Variants in SVIL observed in about 807,000 individuals in gnomAD.
SVIL encodes archvillin.
SVIL carries 101 observed loss-of-function variants against 240.4 expected under a neutral mutation model. The ratio of observed to expected loss-of-function variants is 0.42; its 90% CI spans 0.36 to 0.50. The LOEUF (loss-of-function observed/expected upper bound fraction) is 0.50. Among genes scored for constraint, SVIL ranks in the 20% least tolerant of loss-of-function variants. The pLI is 0.01. For synonymous variants in SVIL, 999 were observed against 1,100.0 expected (o/e 0.91, Z 1.82); for missense variants, 2,512 against 2,818.7 (o/e 0.89, Z 2.46).
At chr10:29,726,191 G>T (rs1589586544) in intron 1 of SVIL, among the ~76,000 whole-genome samples, 1 of 152,116 alleles carries the variant, frequency 6.6e-6, no homozygotes, top group Admixed American at 6.5e-5. Context: ...CAACATGCTG[G>T]GATTACAGGC....
chr10:29,689,252 C>T (rs1961312870), intron 1 of SVIL, among the ~76,000 whole-genome samples: 1 of 152,040 alleles, frequency 6.6e-6, no homozygotes, highest in Non-Finnish European at 1.5e-5. Flanking sequence ...GAGGCTAGAA[C>T]TGGTATCTCC....
intron 30 of SVIL, chr10:29,473,633 G>A: frequency 1.6e-6 from 1 of 629,474 alleles, no homozygotes; most frequent in Admixed American, 3.0e-5. Flanking sequence ...ATTTTCTCCA[G>A]GATCATCTTA....
In SVIL at chr10:29,487,237, A is replaced by G; in HGVS notation, c.4411T>C (p.Cys1471Arg). 1 of 1,614,150 alleles carries G rather than the reference A, an allele frequency of 6.2e-7. No individual in the cohort carries two copies. The highest frequency in any genetic ancestry group is 8.5e-7 in the Non-Finnish European group (1 of 1,180,016). The change falls in exon 24 of 38, where the codon TGC becomes CGC. Residue 1471 changes from cysteine (C) to arginine (R), a missense_variant. Cys to Arg is a radical substitution (Grantham distance 180). Around this residue, in one of 3 missense-constraint regions of SVIL, gnomAD observed 272 missense variants for 406.8 expected, o/e 0.67. Transcript: ENST00000355867. ...CAGTGGGGAGAGAGCAGGAGGAAGC[A>G]GTCCCCACTGTTGAGCGCCGAAGCT... ...PRASALNSGD[C>R]FLLLSPHCCF...
At chr10:29,503,693 T>C (rs1465438606) in intron 17 of SVIL, among the ~76,000 whole-genome samples, 1 of 152,264 alleles carries the variant, frequency 6.6e-6, no homozygotes, top group African/African-American at 2.4e-5. Context: ...CAAATGTTAA[T>C]TTCCTTTAAA....
chr10:29,680,394 G>C (rs185840044), intron 2 of SVIL, among the ~76,000 whole-genome samples: 5 of 152,256 alleles, frequency 3.3e-5, no homozygotes, highest in Admixed American at 3.3e-4. Flanking sequence ...GGTGTTCCAG[G>C]TAGTATGCAA....
chr10:29,605,974 C>A (rs563298778), intron 1 of SVIL, among the ~76,000 whole-genome samples: 44 of 151,892 alleles, frequency 2.9e-4, no homozygotes, highest in South Asian at 1.7e-3. Flanking sequence ...GCAGTAGTGC[C>A]ATCTCAGCTC....
intron 17 of SVIL, among the ~76,000 whole-genome samples, chr10:29,509,289 A>G (rs1408122307): frequency 7.1e-6 from 1 of 141,474 alleles, no homozygotes; most frequent in East Asian, 2.4e-4. Flanking sequence ...AAGAGAAAGA[A>G]AGAGAAAGAG....
chr10:29,550,464 A>T (rs1953200358), intron 6 of SVIL, 133 bp downstream of exon 6: 2 of 1,101,240 alleles, frequency 1.8e-6, no homozygotes, highest in Non-Finnish European at 2.5e-6. Context: ...AAAAAGAATC[A>T]TATACTATGA....
At chr10:29,577,816 C>T (rs1311122868) in intron 1 of SVIL, among the ~76,000 whole-genome samples, 1 of 152,076 alleles carries the variant, frequency 6.6e-6, no homozygotes, top group East Asian at 1.9e-4. Context: ...AAATCAATCC[C>T]ATTCATAATT....
intron 2 of SVIL, among the ~76,000 whole-genome samples, chr10:29,568,021 A>G (rs1164326403): frequency 7.7e-6 from 1 of 129,810 alleles, no homozygotes; most frequent in Admixed American, 8.6e-5. Context: ...CGTCTCAAAA[A>G]AAAAAACAAA....
chr10:29,582,731 C>CTAA (rs61441935), intron 1 of SVIL, among the ~76,000 whole-genome samples: 9,261 of 142,710 alleles, frequency 0.065, 424 homozygotes, highest in African/African-American at 0.12. Flanking sequence ...GACCCTGTCT[C>CTAA]TAATAATAAT....
At chr10:29,531,701 G>A (rs1026227682) in intron 9 of SVIL, among the ~76,000 whole-genome samples, 7 of 152,156 alleles carry the variant, frequency 4.6e-5, no homozygotes, top group Non-Finnish European at 1.0e-4. Flanking sequence ...ATGCAATCTG[G>A]AGTCTAATTT....
At chr10:29,632,109 G>C (rs759739956) in intron 1 of SVIL, among the ~76,000 whole-genome samples, 4 of 152,198 alleles carry the variant, frequency 2.6e-5, no homozygotes, top group Non-Finnish European at 5.9e-5. Flanking sequence ...CATGTAGCCC[G>C]AGAGCCCTGC....
intron 2 of SVIL, among the ~76,000 whole-genome samples, chr10:29,676,297 G>A (rs140394717): frequency 2.4e-4 from 37 of 152,202 alleles, no homozygotes; most frequent in African/African-American, 8.7e-4. Context: ...AACCACTGGT[G>A]TTTTGGTAAC....
chr10:29,501,663 A>C (rs1948908606), intron 17 of SVIL, among the ~76,000 whole-genome samples: 1 of 152,208 alleles, frequency 6.6e-6, no homozygotes, highest in South Asian at 2.1e-4. Flanking sequence ...AATTCCAAGT[A>C]ACTCTCTGAA....
intron 32 of SVIL, chr10:29,469,099 C>T (rs1945266811): frequency 6.6e-6 from 1 of 152,134 alleles, no homozygotes; most frequent in African/African-American, 2.4e-5. Context: ...CAATCAGGTA[C>T]TCAATAAATG....
At chr10:29,618,828 C>G (rs1564706872) in intron 1 of SVIL, among the ~76,000 whole-genome samples, 1 of 152,050 alleles carries the variant, frequency 6.6e-6, no homozygotes, top group African/African-American at 2.4e-5. Flanking sequence ...CAGGGAATTC[C>G]CGCCCCCTCA....
intron 1 of SVIL, among the ~76,000 whole-genome samples, chr10:29,622,787 C>T (rs944178044): frequency 2.6e-5 from 4 of 152,196 alleles, no homozygotes; most frequent in African/African-American, 9.7e-5. Context: ...CTGCAATCCC[C>T]CTAGTTCCCC....
rs368500738 is a variant in SVIL at position 29,486,071 on chromosome 10, C to T, written c.4779+14G>A. ...TGTGGTTTCTCACTGAAGGGCAGAG[C>T]CCACGGACTGTACCTCTTTGGGTTG... On this transcript the variant is annotated intron_variant, in intron 26 of 37. Transcript: ENST00000355867. 1 of 1,614,138 alleles carries T rather than the reference C, an allele frequency of 6.2e-7. No individual in the cohort carries two copies. Among genetic ancestry groups the T allele is most frequent in the South Asian group, 1.1e-5 (1 of 91,080 alleles).
Sources: gnomAD v4.1 joint callset for allele counts (sites outside exome capture counted in the v4.1 genomes callset) on GRCh38, gnomAD v4.1.1 for gene constraint, gnomAD v4.1.1 regional missense constraint, MANE v1.5 for transcripts, NCBI Gene and HGNC (gene_info 2026-07-23, HGNC 2026-07-21) for gene names.